The following OR2A12 variants were observed in gnomAD, a reference collection of about 807,000 sequenced individuals.
OR2A12 encodes olfactory receptor 2A12.
For missense variants in OR2A12, 380 were observed against 372.5 expected (o/e 1.02, Z -0.17); for synonymous variants, 153 against 149.3 (o/e 1.02, Z -0.18).
Position 144,097,483 on chromosome 7 carries a change from T to A in OR2A12, c.*1443T>A, listed in dbSNP as rs1038745155. On this transcript the variant is annotated 3_prime_UTR_variant, in exon 2 of 2. Transcript: ENST00000641592. ...TCCCAATCAATATCGCAGCAGGGTGTGTGGATGTGTGCAGAACTCAACAAA... is the reference window on the plus strand; with the variant it reads ...TCCCAATCAATATCGCAGCAGGGTGAGTGGATGTGTGCAGAACTCAACAAA... 3 of 152,108 alleles carry A rather than the reference T, an allele frequency of 2.0e-5. No individual in the cohort carries two copies. The highest frequency in any genetic ancestry group is 6.5e-5 in the Admixed American group (1 of 15,272). 9.4% of individuals were successfully genotyped at this position (152,108 alleles called of 1,614,324 possible).
intron 1 of OR2A12, among the ~76,000 whole-genome samples, chr7:144,090,176 T>G (rs1361688691): frequency 1.4e-5 from 2 of 147,922 alleles, no homozygotes; most frequent in Non-Finnish European, 3.0e-5. Context: ...GAATTGTTGC[T>G]CTTATTAGAT....
chr7:144,093,810 T>G (rs1024325528), intron 1 of OR2A12, among the ~76,000 whole-genome samples: 1 of 151,796 alleles, frequency 6.6e-6, no homozygotes, highest in Admixed American at 6.6e-5. Context: ...CATGAACTCA[T>G]CATTTTTTAT....
chr7:144,091,806 A>G (rs1273301937), intron 1 of OR2A12, among the ~76,000 whole-genome samples: 2 of 151,960 alleles, frequency 1.3e-5, no homozygotes, highest in East Asian at 1.9e-4. Flanking sequence ...TAGATTGTCT[A>G]TCTACTTTGT....
In OR2A12 at chr7:144,098,590, G is replaced by A. The variant is rs2051282776; in HGVS notation, c.*2550G>A. 1 of 152,134 alleles carries A rather than the reference G, an allele frequency of 6.6e-6. No homozygotes were observed. The highest frequency in any genetic ancestry group is 1.5e-5 in the Non-Finnish European group (1 of 68,014). The allele number at this position is 152,134 out of a possible 1,614,324, so 9.4% of individuals were successfully genotyped here. On this transcript the variant is annotated 3_prime_UTR_variant, in exon 2 of 2. Coordinates refer to ENST00000641592, the MANE Select transcript of OR2A12 (RefSeq NM_001004135.2). Reference sequence around the variant, plus strand: ...GGAAAATATAGAGTTTAAAAAAATAGGTTCTCTGGCTCCAGAGCTGGTATT... The same window carrying A: ...GGAAAATATAGAGTTTAAAAAAATAAGTTCTCTGGCTCCAGAGCTGGTATT...
Position 144,095,243 on chromosome 7 carries a change from G to A in OR2A12, c.136G>A (p.Gly46Arg), listed in dbSNP as rs538426031. The A allele has an allele frequency of 1.1e-5, 18 of 1,613,874 alleles. No homozygotes were observed. Among genetic ancestry groups the A allele is most frequent in the Admixed American group, 6.7e-5 (4 of 60,002 alleles). The part of the protein sequence containing the change: ...LTLMGNGIIL[G>R]LIYLDSRLHT... The stretch of plus-strand genomic sequence containing the variant: ...CCTGATGGGAAATGGGATTATCCTG[G>A]GGCTCATCTACTTGGACTCTAGACT... The change falls in exon 2 of 2, where the codon GGG (glycine) becomes AGG (arginine). Residue 46 changes from glycine (G) to arginine (R), a missense_variant. Physicochemically the swap from Gly to Arg is moderately radical, Grantham distance 125. Coordinates refer to ENST00000641592, the MANE Select transcript of OR2A12 (RefSeq NM_001004135.2).
At chr7:144,094,707 G>C (rs1387525532) in intron 1 of OR2A12, among the ~76,000 whole-genome samples, 1 of 152,166 alleles carries the variant, frequency 6.6e-6, no homozygotes, top group South Asian at 2.1e-4. Flanking sequence ...GTGTCACTGA[G>C]CTCAACTTCT....
chr7:144,093,909 G>A (rs1172037954), intron 1 of OR2A12, among the ~76,000 whole-genome samples: 4 of 151,868 alleles, frequency 2.6e-5, no homozygotes, highest in Non-Finnish European at 4.4e-5. Context: ...CCAAGTCTTT[G>A]CTATTGTGAA....
rs1193289392 is a variant in OR2A12 at position 144,086,353 on chromosome 7, C to T, written c.-242C>T. 1 of 152,694 alleles carries T rather than the reference C, an allele frequency of 6.5e-6. No homozygotes were observed. 9.5% of individuals were successfully genotyped at this position (152,694 alleles called of 1,614,324 possible). On this transcript the variant is annotated 5_prime_UTR_variant, in exon 1 of 2. Coordinates refer to ENST00000641592, the MANE Select transcript of OR2A12 (RefSeq NM_001004135.2). ...TCTCACTTCTTTGCATAAGCAGGAA[C>T]ACAAGTGCACATGCGTGCACACACA... is the stretch of plus-strand genomic sequence containing the variant.
rs2051266865 is a variant in OR2A12 at position 144,096,624 on chromosome 7, T to G, written c.*584T>G. On this transcript the variant is annotated 3_prime_UTR_variant, in exon 2 of 2. Transcript: ENST00000641592. ...AGAAAATATTAATGAAACAAGTCCA[T>G]CAGAATGAAGTAAGGATGTATTATA... 1 of 152,076 alleles carries G rather than the reference T, an allele frequency of 6.6e-6. No individual in the cohort carries two copies. The highest frequency in any genetic ancestry group is 1.5e-5 in the Non-Finnish European group (1 of 68,070). 9.4% of individuals were successfully genotyped at this position (152,076 alleles called of 1,614,324 possible). A position where few individuals can be genotyped will look rare whatever the true frequency, so the allele number is the denominator to read the frequency against.
chr7:144,092,705 C>G (rs1176567631), intron 1 of OR2A12, among the ~76,000 whole-genome samples: 3 of 151,876 alleles, frequency 2.0e-5, no homozygotes, highest in African/African-American at 7.3e-5. Flanking sequence ...TATAGGTACT[C>G]TTTTTCAAAT....
At chr7:144,094,422 T>C (rs1188066448) in intron 1 of OR2A12, among the ~76,000 whole-genome samples, 1 of 152,180 alleles carries the variant, frequency 6.6e-6, no homozygotes, top group Non-Finnish European at 1.5e-5. Context: ...CAGTACCACA[T>C]CTCACAACAA....
chr7:144,093,411 A>C (rs2051239590), intron 1 of OR2A12, among the ~76,000 whole-genome samples: 1 of 152,092 alleles, frequency 6.6e-6, no homozygotes, highest in South Asian at 2.1e-4. Flanking sequence ...TCCACTACAC[A>C]ACTTCTTCCC....
chr7:144,098,301 C>T lies in OR2A12; in HGVS notation c.*2261C>T, dbSNP rs1379621879. ...GTCGTACACATCAATTTTGTCTTGT[C>T]ATAGCTGTGTCTCTAGTATCTAGAG... On this transcript the variant is annotated 3_prime_UTR_variant, in exon 2 of 2. Coordinates refer to ENST00000641592, the MANE Select transcript of OR2A12 (RefSeq NM_001004135.2). 1 of 152,060 alleles carries T rather than the reference C, an allele frequency of 6.6e-6. No homozygotes were observed. Among genetic ancestry groups the T allele is most frequent in the East Asian group, 1.9e-4 (1 of 5,184 alleles). 9.4% of individuals were successfully genotyped at this position (152,060 alleles called of 1,614,324 possible).
chr7:144,091,816 T>A (rs1272259877), intron 1 of OR2A12, among the ~76,000 whole-genome samples: 1 of 152,194 alleles, frequency 6.6e-6, no homozygotes, highest in Non-Finnish European at 1.5e-5. Flanking sequence ...ATCTACTTTG[T>A]TGATAATTTC....
chr7:144,090,252 G>A (rs1267621941), intron 1 of OR2A12, among the ~76,000 whole-genome samples: 1 of 151,726 alleles, frequency 6.6e-6, no homozygotes, highest in African/African-American at 2.4e-5. Flanking sequence ...AATTTTAAGA[G>A]AATATAACAA....
rs79970084 is a variant in OR2A12, at chr7:144,090,523, A to G, written c.-52+3980A>G. On this transcript the variant is annotated intron_variant, in intron 1 of 1. Coordinates refer to ENST00000641592, the MANE Select transcript of OR2A12 (RefSeq NM_001004135.2). ...AGGATAAACTCTGTAGGTTTTATGG[A>G]TACTCTTTTTCTTCTTTTAACTTTT... Among the ~76,000 whole-genome samples the G allele has an allele frequency of 3.1e-3, 479 of 152,204 alleles. 4 individuals carry two copies. The highest frequency in any genetic ancestry group is 0.011 in the African/African-American group (463 of 41,532).
chr7:144,095,402 C>T lies in OR2A12; in HGVS notation c.295C>T (p.Gln99Ter). The change falls in exon 2 of 2, where the codon CAG (glutamine) becomes TAG (stop). Residue 99 changes from glutamine to a stop codon, truncating the protein, a stop_gained. Transcript: ENST00000641592. LOFTEE classifies it low-confidence loss of function (END_TRUNC). ...CATCTCCTTTGCTCCTTGCATACTT[C>T]AGACTTTTTTGTATTTGGCGTTTGC... ...KVISFAPCIL[Q>*]TFLYLAFAIT... 1 of 1,614,052 alleles carries T rather than the reference C, an allele frequency of 6.2e-7. No homozygotes were observed. Among genetic ancestry groups the T allele is most frequent in the Non-Finnish European group, 8.5e-7 (1 of 1,179,944 alleles).
Position 144,095,995 on chromosome 7 carries a change from GA to G in OR2A12, c.891del (p.Ala299LeufsTer2), listed in dbSNP as rs1447910437. The stretch of plus-strand genomic sequence containing the variant: ...TCTACAGCCTTAGGAATGCAGAGGT[GA>G]AAGGGGCTCTAAAGAGAGTCCTTTG... ...LIYSLRNAEV[K>X]GALKRVLWKQ... On this transcript the variant is annotated frameshift_variant, in exon 2 of 2. Transcript: ENST00000641592. LOFTEE classifies it low-confidence loss of function (END_TRUNC). 1 of 1,611,680 alleles carries G rather than the reference GA, an allele frequency of 6.2e-7. No individual in the cohort carries two copies. The highest frequency in any genetic ancestry group is 8.5e-7 in the Non-Finnish European group (1 of 1,178,998).
At position 144,095,828 on chromosome 7, in the gene OR2A12, T is replaced by G. The variant is rs772752260; in HGVS notation, c.721T>G (p.Ser241Ala). ...CCGCAGAAAGGCCTTCTCTACCTGC[T>G]CCTCCCACCTCTGCGTGGTGGGGCT... Reference protein sequence around the residue: ...EGRRKAFSTCSSHLCVVGLFF... With the variant: ...EGRRKAFSTCASHLCVVGLFF... The change falls in exon 2 of 2, where the codon TCC becomes GCC. Residue 241 changes from serine to alanine, a missense_variant. Coordinates refer to ENST00000641592, the MANE Select transcript of OR2A12 (RefSeq NM_001004135.2). 1 of 1,614,086 alleles carries G rather than the reference T, an allele frequency of 6.2e-7. No homozygotes were observed. Among genetic ancestry groups the G allele is most frequent in the Non-Finnish European group, 8.5e-7 (1 of 1,180,014 alleles).
Sources: allele counts gnomAD v4.1 joint callset (sites outside exome capture counted in the v4.1 genomes callset), GRCh38; gene constraint gnomAD v4.1.1; transcripts MANE v1.5; gene names NCBI Gene and HGNC (gene_info 2026-07-23, HGNC 2026-07-21).